Variants in BBS4 observed in about 807,000 individuals in gnomAD.
The protein encoded by BBS4 is BBSome complex member BBS4.
BBS4 carries 58 observed loss-of-function variants against 71.4 expected under a neutral mutation model. That is an observed-to-expected ratio of 0.81 (90% CI 0.66 to 1.01). The LOEUF (loss-of-function observed/expected upper bound fraction) is 1.01. BBS4 is among the 50% of genes least tolerant of loss of function. The pLI is 0.00. For missense variants in BBS4, 660 were observed against 607.9 expected (o/e 1.09, Z -0.90); for synonymous variants, 228 against 216.8 (o/e 1.05, Z -0.46).
chr15:72,723,496 T>C (rs963633738), intron 7 of BBS4, among the ~76,000 whole-genome samples: 3 of 152,170 alleles, frequency 2.0e-5, no homozygotes, highest in Non-Finnish European at 4.4e-5. Context: ...GTTTCCTTCA[T>C]AGAGCTCACA....
intron 10 of BBS4, among the ~76,000 whole-genome samples, chr15:72,730,574 A>AGAGT (rs35482046): frequency 0.96 from 146,203 of 152,076 alleles, 70,558 homozygotes; most frequent in East Asian, 1. Flanking sequence ...CCTGGGTGAC[A>AGAGT]GAGACCCTGT....
chr15:72,692,902 T>C (rs2065012818), intron 1 of BBS4, among the ~76,000 whole-genome samples: 1 of 152,182 alleles, frequency 6.6e-6, no homozygotes, highest in Non-Finnish European at 1.5e-5. Context: ...CTGGCTGATC[T>C]ATCTGTCTTA....
intron 6 of BBS4, among the ~76,000 whole-genome samples, chr15:72,719,548 T>C (rs1470732041): frequency 6.6e-6 from 1 of 151,730 alleles, no homozygotes; most frequent in Non-Finnish European, 1.5e-5. Flanking sequence ...AAAAGCAATT[T>C]TGAAGGACTG....
In BBS4 at chr15:72,735,127, C is replaced by A; in HGVS notation, c.1051C>A (p.Leu351Met). 1 of 1,613,612 alleles carries A rather than the reference C, an allele frequency of 6.2e-7. No individual in the cohort carries two copies. The highest frequency in any genetic ancestry group is 8.5e-7 in the Non-Finnish European group (1 of 1,179,596). ...CTTTGTTGCAGTGGCTCTGACCAAT[C>A]TGGAAGATATAGAAAATGCCAAGAG... ...YMLLAVALTN[L>M]EDIENAKRAY... Residue 351 changes from leucine (L) to methionine (M), a missense_variant, in exon 13 of 16, where the codon CTG (leucine) becomes ATG (methionine). By Grantham distance (15) the Leu-to-Met change is conservative. Transcript: ENST00000268057.
chr15:72,733,135 A>G (rs1453945631), intron 12 of BBS4, among the ~76,000 whole-genome samples: 1 of 152,124 alleles, frequency 6.6e-6, no homozygotes, highest in African/African-American at 2.4e-5. Context: ...AGGGTCAGTA[A>G]GGCCCCAGAT....
In BBS4 at chr15:72,704,376, C is replaced by T. The variant is rs534671220; in HGVS notation, c.77-5324C>T. On this transcript the variant is annotated intron_variant, in intron 2 of 15. Coordinates refer to ENST00000268057, the MANE Select transcript of BBS4 (RefSeq NM_033028.5). ...GTGGAGGATCTTTCAACTAGTAATT[C>T]TCATAATACCTGTGAAAGCATATAA... The T allele has an allele frequency of 2.2e-5, 25 of 1,124,018 alleles. No individual in the cohort carries two copies. The African/African-American group carries it at 3.2e-4, about 14-fold the overall frequency. The allele number at this position is 1,124,018 out of a possible 1,614,324, so 69.6% of individuals were successfully genotyped here.
chr15:72,719,472 C>G (rs1271464396), intron 6 of BBS4, among the ~76,000 whole-genome samples: 3 of 151,798 alleles, frequency 2.0e-5, no homozygotes, highest in African/African-American at 7.3e-5. Flanking sequence ...GTCTCAAGCT[C>G]CTGTCCTCAA....
chr15:72,727,057 T>C, intron 8 of BBS4, among the ~76,000 whole-genome samples: 1 of 152,154 alleles, frequency 6.6e-6, no homozygotes, highest in Non-Finnish European at 1.5e-5. Context: ...GTGATCAAAG[T>C]GGATGTTTAT....
At chr15:72,711,784 T>G (rs1300631941) in intron 3 of BBS4, among the ~76,000 whole-genome samples, 1 of 152,202 alleles carries the variant, frequency 6.6e-6, no homozygotes, top group African/African-American at 2.4e-5. Flanking sequence ...AGAAACTGAA[T>G]GAACTAATAC....
intron 2 of BBS4, among the ~76,000 whole-genome samples, chr15:72,707,862 C>T (rs767873282): frequency 2.0e-5 from 3 of 152,050 alleles, no homozygotes; most frequent in South Asian, 2.1e-4. Flanking sequence ...TTTTTTTCAT[C>T]GTTGACTTCT....
intron 2 of BBS4, among the ~76,000 whole-genome samples, chr15:72,701,324 T>C (rs544985545): frequency 6.6e-6 from 1 of 152,348 alleles, no homozygotes; most frequent in East Asian, 1.9e-4. Flanking sequence ...CCTTGTTATA[T>C]ATATTCCATT....
rs180883808 is a variant in BBS4, at chr15:72,722,029, A to C, written c.406-765A>C. Among the ~76,000 whole-genome samples the C allele has an allele frequency of 5.6e-4, 86 of 152,348 alleles. 2 individuals carry two copies. Among genetic ancestry groups the C allele is most frequent in the South Asian group, 3.1e-3 (15 of 4,826 alleles). The stretch of plus-strand genomic sequence containing the variant: ...TGGCAAACTTTTTTTGTAAAGGGCC[A>C]GTTAATAAATATTTTAATTTGTATA... On this transcript the variant is annotated intron_variant, in intron 6 of 15. Coordinates refer to ENST00000268057, the MANE Select transcript of BBS4 (RefSeq NM_033028.5).
intron 2 of BBS4, among the ~76,000 whole-genome samples, chr15:72,708,973 T>C (rs11072384): frequency 0.72 from 109,909 of 152,056 alleles, 40,233 homozygotes; most frequent in Non-Finnish European, 0.78. Context: ...TAGACTCTTA[T>C]CAGTAATTTT....
At chr15:72,688,670 T>C (rs2064924554) in intron 1 of BBS4, among the ~76,000 whole-genome samples, 1 of 152,182 alleles carries the variant, frequency 6.6e-6, no homozygotes, top group Non-Finnish European at 1.5e-5. Context: ...CCCAAAGTGT[T>C]GGGATTACAG....
chr15:72,723,486 G>T (rs1434783180), intron 7 of BBS4, among the ~76,000 whole-genome samples: 1 of 152,184 alleles, frequency 6.6e-6, no homozygotes, highest in Non-Finnish European at 1.5e-5. Flanking sequence ...GCGTTGGGTA[G>T]TTTCCTTCAT....
At position 72,736,836 on chromosome 15, in the gene BBS4, A is replaced by C; in HGVS notation, c.1323A>C (p.Lys441Asn). The C allele has an allele frequency of 6.2e-7, 1 of 1,614,234 alleles. No homozygotes were observed. Among genetic ancestry groups the C allele is most frequent in the African/African-American group, 1.3e-5 (1 of 75,064 alleles). ...GEALVWTKPV[K>N]DPKSKHQTTS... ...CACTGGTCTGGACCAAACCAGTTAA[A>C]GATCCCAAATCAAAGCACCAGACCA... Residue 441 changes from lysine to asparagine, a missense_variant, in exon 15 of 16, where the codon AAA (lysine) becomes AAC (asparagine). Lys to Asn is a moderately conservative substitution (Grantham distance 94, BLOSUM62 0). Coordinates refer to ENST00000268057, the MANE Select transcript of BBS4 (RefSeq NM_033028.5).
At chr15:72,737,069 A>G in intron 15 of BBS4, 106 bp downstream of exon 15, 2 of 1,358,358 alleles carry the variant, frequency 1.5e-6, no homozygotes. Context: ...TCATATGTCC[A>G]ACGTAGTATT....
intron 4 of BBS4, among the ~76,000 whole-genome samples, chr15:72,712,651 T>C (rs1048064259): frequency 6.6e-6 from 1 of 152,178 alleles, no homozygotes; most frequent in Non-Finnish European, 1.5e-5. Flanking sequence ...TGTAAAAATA[T>C]GGTATAAAAG....
In BBS4 at chr15:72,736,921, C is replaced by T; in HGVS notation, c.1408C>T (p.Gln470Ter). Residue 470 changes from glutamine (Q) to a stop codon, truncating the protein, a stop_gained, in exon 15 of 16, where the codon CAG becomes TAG. Transcript: ENST00000268057. LOFTEE classifies it high-confidence loss of function. ...TCTGGGCTCTAATCAAGCTCTAGGACAGGCAATGTCTTCAGCAGCTGCATA... is the reference window on the plus strand; with the variant it reads ...TCTGGGCTCTAATCAAGCTCTAGGATAGGCAATGTCTTCAGCAGCTGCATA... ...QPLGSNQALG[Q>*]AMSSAAAYRT... is the part of the protein sequence containing the mutation. 1 of 1,614,176 alleles carries T rather than the reference C, an allele frequency of 6.2e-7. No individual in the cohort carries two copies. Among genetic ancestry groups the T allele is most frequent in the Middle Eastern group, 1.6e-4 (1 of 6,062 alleles).
Sources: allele counts gnomAD v4.1 joint callset (sites outside exome capture counted in the v4.1 genomes callset), GRCh38; gene constraint gnomAD v4.1.1; transcripts MANE v1.5; gene names NCBI Gene and HGNC (gene_info 2026-07-23, HGNC 2026-07-21).